TENM3: variants seen among roughly 807,000 people sequenced by gnomAD.
The protein encoded by TENM3 is teneurin-3.
A neutral mutation model predicts 255.1 loss-of-function variants in TENM3; 63 were observed. The ratio of observed to expected loss-of-function variants is 0.25; its 90% CI spans 0.20 to 0.30. TENM3 has a LOEUF of 0.30. Among genes scored for constraint, TENM3 ranks in the 10% least tolerant of loss-of-function variants. The pLI, the probability that TENM3 is intolerant of heterozygous loss-of-function variation, is 1.00. For synonymous variants in TENM3, 1,306 were observed against 1,322.3 expected (o/e 0.99, Z 0.27); for missense variants, 2,929 against 3,461.1 (o/e 0.85, Z 3.86).
At chr4:181,876,819 T>C in the TENM3 span, among the ~76,000 whole-genome samples, 1 of 152,108 alleles carries the variant, frequency 6.6e-6, no homozygotes, top group Non-Finnish European at 1.5e-5. Context: ...GTTTTAGGAT[T>C]TCAGATATTC....
At chr4:182,362,490 A>G (rs1016009359) in intron 3 of TENM3, among the ~76,000 whole-genome samples, 3 of 152,016 alleles carry the variant, frequency 2.0e-5, no homozygotes, top group African/African-American at 7.2e-5. Flanking sequence ...TGTGCTAGCA[A>G]TCAGCGAGAC....
intron 1 of TENM3, among the ~76,000 whole-genome samples, chr4:182,298,858 G>A (rs546814675): frequency 4.6e-5 from 7 of 151,220 alleles, no homozygotes; most frequent in African/African-American, 9.7e-5. Flanking sequence ...CTGTAATCCC[G>A]GCTACTCGGG....
intron 3 of TENM3, among the ~76,000 whole-genome samples, chr4:182,541,606 G>A (rs1308115042): frequency 1.3e-5 from 2 of 152,152 alleles, no homozygotes; most frequent in African/African-American, 2.4e-5. Context: ...TATATGTAAC[G>A]AAGAGTAAGC....
At chr4:182,493,064 G>A (rs1377197885) in intron 3 of TENM3, among the ~76,000 whole-genome samples, 1 of 151,954 alleles carries the variant, frequency 6.6e-6, no homozygotes, top group Non-Finnish European at 1.5e-5. Context: ...GTTCTTAGAA[G>A]GAAAGAAAAA....
In TENM3 at chr4:182,680,319, C is replaced by G; in HGVS notation, c.1609C>G (p.Pro537Ala). The stretch of plus-strand genomic sequence containing the variant: ...CGTTTCTGGAACTTGCCATTGTTTT[C>G]CAGGATTTCTGGGTCCGGATTGTTC... Reference protein sequence around the residue: ...ECVSGTCHCFPGFLGPDCSRA... With the variant: ...ECVSGTCHCFAGFLGPDCSRA... The change falls in exon 9 of 28, where the codon CCA becomes GCA. Residue 537 changes from proline to alanine, a missense_variant. By Grantham distance (27) the Pro-to-Ala change is conservative (BLOSUM62 -1). Transcript: ENST00000511685. The G allele has an allele frequency of 1.9e-6, 3 of 1,613,584 alleles. No individual in the cohort carries two copies. Among genetic ancestry groups the G allele is most frequent in the Non-Finnish European group, 2.5e-6 (3 of 1,179,742 alleles).
Position 182,673,052 on chromosome 4 carries a change from G to A in TENM3, c.1159G>A (p.Glu387Lys). The A allele has an allele frequency of 6.2e-7, 1 of 1,607,218 alleles. No homozygotes were observed. Among genetic ancestry groups the A allele is most frequent in the Non-Finnish European group, 8.5e-7 (1 of 1,176,220 alleles). Reference sequence around the variant, plus strand: ...AGAAAATAACACCATAGATTCCGGAGAACTTGATATTGGCCGAAGAGCAAT... The same window carrying A: ...AGAAAATAACACCATAGATTCCGGAAAACTTGATATTGGCCGAAGAGCAAT... ...TQENNTIDSG[E>K]LDIGRRAIQE... Residue 387 changes from glutamate to lysine, a missense_variant, in exon 7 of 28, where the codon GAA becomes AAA. By Grantham distance (56) the Glu-to-Lys change is moderately conservative. This residue lies in a region of TENM3 where 1,608 missense variants were observed against 1,884.4 expected (regional missense o/e 0.85). Transcript: ENST00000511685.
intron 3 of TENM3, among the ~76,000 whole-genome samples, chr4:182,397,769 C>T (rs1768946180): frequency 6.6e-6 from 1 of 152,150 alleles, no homozygotes; most frequent in African/African-American, 2.4e-5. Flanking sequence ...CCCCTTCCCC[C>T]AAGTTTCTGA....
chr4:182,669,954 C>G (rs1365169458), intron 6 of TENM3, among the ~76,000 whole-genome samples: 1 of 152,156 alleles, frequency 6.6e-6, no homozygotes, highest in Non-Finnish European at 1.5e-5. Flanking sequence ...TTCCATTTCT[C>G]TCTCCCCTGA....
chr4:181,885,830 A>G, the TENM3 span, among the ~76,000 whole-genome samples: 1 of 152,162 alleles, frequency 6.6e-6, no homozygotes, highest in Non-Finnish European at 1.5e-5. Flanking sequence ...AATATGATGT[A>G]TTTTCACTGG....
At chr4:181,953,748 T>G in the TENM3 span, among the ~76,000 whole-genome samples, 1 of 152,212 alleles carries the variant, frequency 6.6e-6, no homozygotes, top group South Asian at 2.1e-4. Flanking sequence ...AGTGGAAATA[T>G]AAGCTCAGGA....
chr4:181,745,036 TCTGA>T, the TENM3 span, among the ~76,000 whole-genome samples: 2 of 152,150 alleles, frequency 1.3e-5, no homozygotes, highest in Non-Finnish European at 2.9e-5. Flanking sequence ...TTTAAGGTCA[TCTGA>T]CTGGGTAAAA....
At chr4:181,924,519 T>C in the TENM3 span, among the ~76,000 whole-genome samples, 1 of 152,232 alleles carries the variant, frequency 6.6e-6, no homozygotes, top group Non-Finnish European at 1.5e-5. Context: ...CAAAATACTG[T>C]ATTTGGAATA....
the TENM3 span, among the ~76,000 whole-genome samples, chr4:182,058,568 T>C: frequency 4.9e-4 from 4 of 8,154 alleles, no homozygotes; most frequent in African/African-American, 1.1e-3. Flanking sequence ...GCAAATGTGC[T>C]TTTGCAACTT....
chr4:182,529,223 G>C (rs1019963270), intron 3 of TENM3, among the ~76,000 whole-genome samples: 2 of 152,196 alleles, frequency 1.3e-5, no homozygotes, highest in Non-Finnish European at 2.9e-5. Context: ...TTGGGAGGGA[G>C]GGCGGAGAAC....
chr4:182,708,686 TACTC>T (rs1758491876), intron 12 of TENM3, among the ~76,000 whole-genome samples: 1 of 151,688 alleles, frequency 6.6e-6, no homozygotes, highest in Non-Finnish European at 1.5e-5. Flanking sequence ...TAGTCCCAGC[TACTC>T]AGGAGGCTGA....
the TENM3 span, among the ~76,000 whole-genome samples, chr4:181,676,527 C>T: frequency 4.6e-5 from 7 of 151,986 alleles, no homozygotes; most frequent in Non-Finnish European, 1.0e-4. Context: ...CCCCTCCTCT[C>T]CCTCTCCTCT....
chr4:182,386,748 G>A (rs573755247), intron 3 of TENM3, among the ~76,000 whole-genome samples: 5 of 152,338 alleles, frequency 3.3e-5, no homozygotes, highest in Non-Finnish European at 4.4e-5. Context: ...GCCCACCGGC[G>A]CTGCTCTCGA....
chr4:182,256,175 A>G (rs1457088402), intron 1 of TENM3, among the ~76,000 whole-genome samples: 1 of 152,138 alleles, frequency 6.6e-6, no homozygotes, highest in Non-Finnish European at 1.5e-5. Flanking sequence ...AATTATTTCG[A>G]CCCTAAAGTT....
chr4:182,541,902 TAAAAA>T (rs1018511505), intron 3 of TENM3, among the ~76,000 whole-genome samples: 2 of 146,136 alleles, frequency 1.4e-5, no homozygotes, highest in African/African-American at 5.0e-5. Context: ...CTACAAAACT[TAAAAA>T]AAAAAATTAG....
Sources: gnomAD v4.1 joint callset for allele counts (sites outside exome capture counted in the v4.1 genomes callset) on GRCh38, gnomAD v4.1.1 for gene constraint, gnomAD v4.1.1 regional missense constraint, MANE v1.5 for transcripts, NCBI Gene and HGNC (gene_info 2026-07-23, HGNC 2026-07-21) for gene names.